MATK: variants seen among roughly 807,000 people sequenced by gnomAD.
The protein encoded by MATK is megakaryocyte-associated tyrosine-protein kinase.
Under a neutral mutation model 59.8 loss-of-function variants are expected in MATK, and 41 were observed. The ratio of observed to expected loss-of-function variants is 0.69; its 90% CI spans 0.53 to 0.89. The LOEUF (loss-of-function observed/expected upper bound fraction) is 0.89. Ranked by LOEUF, MATK falls within the 40% of genes least tolerant of loss-of-function variation. The pLI is 0.00. For synonymous variants in MATK, 308 were observed against 306.1 expected (o/e 1.01, Z -0.06); for missense variants, 593 against 719.6 (o/e 0.82, Z 2.01).
intron 1 of MATK, among the ~76,000 whole-genome samples, chr19:3,792,805 A>G (rs1367165190): frequency 6.6e-6 from 1 of 152,120 alleles, no homozygotes; most frequent in Non-Finnish European, 1.5e-5. Context: ...GGCGTGAGCC[A>G]CCGTTTCCAG....
chr19:3,789,606 A>C (rs2037521153), upstream of MATK, among the ~76,000 whole-genome samples: 1 of 151,846 alleles, frequency 6.6e-6, no homozygotes. Context: ...AGACATAGAC[A>C]CTGAGCTGTG....
chr19:3,788,329 A>T (rs1206456468), upstream of MATK, among the ~76,000 whole-genome samples: 1 of 151,434 alleles, frequency 6.6e-6, no homozygotes, highest in Non-Finnish European at 1.5e-5. Context: ...TCTCTACTAA[A>T]ACTACAAAAA....
chr19:3,793,954 G>A (rs544888489), intron 1 of MATK, among the ~76,000 whole-genome samples: 12 of 152,238 alleles, frequency 7.9e-5, no homozygotes, highest in East Asian at 1.9e-4. Context: ...TCACCTCTGC[G>A]GTCCAGTGGC....
At chr19:3,783,690 G>T in intron 6 of MATK, 124 bp downstream of exon 6, 1 of 835,660 alleles carries the variant, frequency 1.2e-6, no homozygotes, top group Non-Finnish European at 1.9e-6. Context: ...GATGGTGTCT[G>T]CCCAGCTGCT....
In MATK at chr19:3,778,512, T is replaced by G. The variant is rs765179053; in HGVS notation, c.1281A>C (p.Lys427Asn). 1 of 1,613,878 alleles carries G rather than the reference T, an allele frequency of 6.2e-7. No individual in the cohort carries two copies. The highest frequency in any genetic ancestry group is 1.1e-5 in the South Asian group (1 of 91,060). The change falls in exon 13 of 14, where the codon AAA (lysine) becomes AAC (asparagine). Residue 427 changes from lysine to asparagine, a missense_variant. Coordinates refer to ENST00000310132, the MANE Select transcript of MATK (RefSeq NM_139355.3). Reference sequence around the variant, plus strand: ...CCTCCCTGGGACCCCCGCTCACCATTTTAGGGTACGGAGCCCGTCCATATG... The same window carrying G: ...CCTCCCTGGGACCCCCGCTCACCATGTTAGGGTACGGAGCCCGTCCATATG... ...VFSYGRAPYP[K>N]MSLKEVSEAV...
intron 1 of MATK, among the ~76,000 whole-genome samples, chr19:3,792,807 C>T (rs189192468): frequency 3.9e-5 from 6 of 152,286 alleles, no homozygotes; most frequent in Non-Finnish European, 8.8e-5. Context: ...CGTGAGCCAC[C>T]GTTTCCAGCC....
Position 3,778,091 on chromosome 19 carries a change from C to A in MATK, c.*92G>T. ...TGTGGGCACCAGGAGGATGACTTGC[C>A]CGCCTGGACCCTCCTTGGGCCTGGT... is the stretch of plus-strand genomic sequence containing the variant. On this transcript the variant is annotated 3_prime_UTR_variant, in exon 14 of 14. Coordinates refer to ENST00000310132, the MANE Select transcript of MATK (RefSeq NM_139355.3). The A allele has an allele frequency of 6.8e-7, 1 of 1,474,614 alleles. No individual in the cohort carries two copies. Among genetic ancestry groups the A allele is most frequent in the Non-Finnish European group, 8.9e-7 (1 of 1,126,162 alleles). 91.3% of individuals were successfully genotyped at this position (1,474,614 alleles called of 1,614,324 possible). A position where few individuals can be genotyped will look rare whatever the true frequency, so the allele number is the denominator to read the frequency against.
At chr19:3,799,924 C>T (rs905931521) in intron 1 of MATK, among the ~76,000 whole-genome samples, 51 of 151,590 alleles carry the variant, frequency 3.4e-4, no homozygotes, top group African/African-American at 1.2e-3. Flanking sequence ...GGGAGGATCA[C>T]GAGGTCAAGA....
upstream of MATK, chr19:3,789,491 G>C (rs1006280960): frequency 1.8e-6 from 1 of 561,458 alleles, no homozygotes; most frequent in African/African-American, 1.9e-5. Flanking sequence ...AATAATAAGG[G>C]GAACCAAGGT....
At chr19:3,784,074 G>T (rs757259529) in intron 5 of MATK, 41 bp from the exon 6 acceptor site, 30 of 1,590,220 alleles carry the variant, frequency 1.9e-5, no homozygotes, top group Middle Eastern at 1.7e-4. Flanking sequence ...GGCTGTGGAG[G>T]GGGGGTCACT....
At chr19:3,779,213 G>C (rs1441255466) in intron 11 of MATK, 26 bp from the exon 12 acceptor site, 2 of 1,558,270 alleles carry the variant, frequency 1.3e-6, no homozygotes, top group Middle Eastern at 3.4e-4. Flanking sequence ...GGCAGTGGGG[G>C]CTCAGGTGCC....
chr19:3,792,011 G>A (rs2037547177), intron 1 of MATK, among the ~76,000 whole-genome samples: 1 of 151,878 alleles, frequency 6.6e-6, no homozygotes, highest in African/African-American at 2.4e-5. Flanking sequence ...AGGAGGCTGA[G>A]GTAGGAGAAT....
At chr19:3,781,894 A>C (rs1417897817) in intron 7 of MATK, among the ~76,000 whole-genome samples, 1 of 152,170 alleles carries the variant, frequency 6.6e-6, no homozygotes, top group Middle Eastern at 3.2e-3. Context: ...TCTCAGGTTG[A>C]CCTGAACAAA....
At position 3,784,401 on chromosome 19, in the gene MATK, G is replaced by T. The variant is rs772681134; in HGVS notation, c.183C>A (p.Arg61=). 1.4e-5 allele frequency: 23 copies of T among 1,605,886 alleles called. No homozygotes were observed. The South Asian group carries it at 2.1e-4, about 15-fold the overall frequency. ...TQCITKCEHT[R]PKPGELAFRK... is the part of the protein sequence containing the mutation. ...GGAAGGCCAGCTCCCCTGGCTTGGGGCGGGTGTGCTCGCATTTGGTGATAC... is the reference window on the plus strand; with the variant it reads ...GGAAGGCCAGCTCCCCTGGCTTGGGTCGGGTGTGCTCGCATTTGGTGATAC... The change falls in exon 4 of 14, where the codon CGC becomes CGA. Residue 61 remains arginine, a synonymous_variant. Transcript: ENST00000310132.
chr19:3,792,510 C>CTT (rs140778999), intron 1 of MATK, among the ~76,000 whole-genome samples: 7,209 of 99,714 alleles, frequency 0.072, 804 homozygotes, highest in Non-Finnish European at 0.097. Context: ...ATTTCCAACT[C>CTT]TTTTTTTTTT....
rs2037350979 is a variant in MATK at position 3,778,495 on chromosome 19, G to T, written c.1284+14C>A. ...CTGCCCGGAACCCAGTGCCTCCCTG[G>T]GACCCCCGCTCACCATTTTAGGGTA... is the stretch of plus-strand genomic sequence containing the variant. On this transcript the variant is annotated intron_variant, in intron 13 of 13. Transcript: ENST00000310132. 1 of 1,613,844 alleles carries T rather than the reference G, an allele frequency of 6.2e-7. No individual in the cohort carries two copies. Among genetic ancestry groups the T allele is most frequent in the Non-Finnish European group, 8.5e-7 (1 of 1,179,960 alleles).
chr19:3,789,299 C>T (rs1240437771), upstream of MATK: 2 of 779,474 alleles, frequency 2.6e-6, no homozygotes, highest in Admixed American at 1.7e-5. Flanking sequence ...CCACGGGTCC[C>T]TCGCCGAGGT....
Position 3,779,571 on chromosome 19 carries a change from G to A in MATK, c.889C>T (p.His297Tyr), listed in dbSNP as rs746622983. 4 of 1,611,832 alleles carry A rather than the reference G, an allele frequency of 2.5e-6. No homozygotes were observed. Among genetic ancestry groups the A allele is most frequent in the African/African-American group, 1.3e-5 (1 of 74,892 alleles). ...TCCATGACAATGTACAGCCCCTGGT[G>A]CAGGATCACGCCCAGGAGACGCACC... Reference protein sequence around the residue: ...NLVRLLGVILHQGLYIVMEHV... With the variant: ...NLVRLLGVILYQGLYIVMEHV... The change falls in exon 10 of 14, where the codon CAC (histidine) becomes TAC (tyrosine). Residue 297 changes from histidine (H) to tyrosine (Y), a missense_variant. Transcript: ENST00000310132.
intron 1 of MATK, among the ~76,000 whole-genome samples, chr19:3,796,447 T>G (rs2037595309): frequency 6.6e-6 from 1 of 152,186 alleles, no homozygotes; most frequent in South Asian, 2.1e-4. Flanking sequence ...AATCACAATT[T>G]TTGCTTAAAT....
Sources: allele counts gnomAD v4.1 joint callset (sites outside exome capture counted in the v4.1 genomes callset), GRCh38; gene constraint gnomAD v4.1.1; transcripts MANE v1.5; gene names NCBI Gene and HGNC (gene_info 2026-07-23, HGNC 2026-07-21).